Variants in PDS5B observed in about 807,000 individuals in gnomAD.
PDS5B encodes the protein PDS5 cohesin associated factor B.
A neutral mutation model predicts 184.1 loss-of-function variants in PDS5B; 51 were observed. That is an observed-to-expected ratio of 0.28 (90% CI 0.22 to 0.35). PDS5B has a LOEUF of 0.35. Ranked by LOEUF, PDS5B falls within the 10% of genes least tolerant of loss-of-function variation. The probability of loss-of-function intolerance (pLI) is 1.00; values close to 1 mark genes in which losing one functional copy is unlikely to be tolerated. For missense variants in PDS5B, 1,180 were observed against 1,723.3 expected, an observed-to-expected ratio of 0.68 and a Z score of 5.58; for synonymous variants, 566 against 569.2, an observed-to-expected ratio of 0.99 and a Z score of 0.08.
chr13:32,720,137 T>C (rs1478327556), intron 19 of PDS5B, among the ~76,000 whole-genome samples: 1 of 152,238 alleles, frequency 6.6e-6, no homozygotes, highest in African/African-American at 2.4e-5. Flanking sequence ...ATAACAAATA[T>C]AAATCTCATA....
At chr13:32,732,009 A>G in intron 19 of PDS5B, 92 bp from the exon 20 acceptor site, 2 of 1,078,390 alleles carry the variant, frequency 1.9e-6, no homozygotes, top group Non-Finnish European at 2.6e-6. Context: ...GACCTTGTAA[A>G]TCATTACTTA....
At chr13:32,753,780 T>C (rs921172222) in intron 25 of PDS5B, among the ~76,000 whole-genome samples, 3 of 152,190 alleles carry the variant, frequency 2.0e-5, no homozygotes, top group Non-Finnish European at 4.4e-5. Context: ...ACAATGACAT[T>C]GGAGGTACTT....
chr13:32,716,542 C>T (rs1282089305), intron 19 of PDS5B, among the ~76,000 whole-genome samples: 27 of 151,960 alleles, frequency 1.8e-4, no homozygotes, highest in East Asian at 5.8e-4. Flanking sequence ...TGTCTCCACC[C>T]GGCAGCCACC....
At chr13:32,736,593 C>T (rs566766540) in intron 21 of PDS5B, among the ~76,000 whole-genome samples, 1 of 151,972 alleles carries the variant, frequency 6.6e-6, no homozygotes, top group African/African-American at 2.4e-5. Context: ...GTATGCTTTC[C>T]TTTATAGTTA....
At chr13:32,611,480 T>A (rs537973177) in intron 1 of PDS5B, among the ~76,000 whole-genome samples, 2 of 151,424 alleles carry the variant, frequency 1.3e-5, no homozygotes, top group South Asian at 2.1e-4. Context: ...AGACATTTGA[T>A]CATTTTATTA....
At chr13:32,610,764 T>G (rs1266487083) in intron 1 of PDS5B, among the ~76,000 whole-genome samples, 1 of 152,130 alleles carries the variant, frequency 6.6e-6, no homozygotes, top group Non-Finnish European at 1.5e-5. Flanking sequence ...TTTAACCTCT[T>G]TATGCCTCAC....
intron 8 of PDS5B, among the ~76,000 whole-genome samples, chr13:32,673,794 C>G (rs1950997274): frequency 6.6e-6 from 1 of 151,886 alleles, no homozygotes; most frequent in Non-Finnish European, 1.5e-5. Context: ...AGTTTGTTTG[C>G]TTTTTATATA....
chr13:32,620,863 A>C (rs557331043), intron 1 of PDS5B, among the ~76,000 whole-genome samples: 1 of 152,244 alleles, frequency 6.6e-6, no homozygotes, highest in South Asian at 2.1e-4. Flanking sequence ...TCTTCTTTCT[A>C]TCTGGTGATG....
chr13:32,647,595 G>A (rs530868590), intron 1 of PDS5B, among the ~76,000 whole-genome samples: 13 of 151,940 alleles, frequency 8.6e-5, no homozygotes, highest in East Asian at 3.9e-4. Context: ...ATGGTTTTTC[G>A]TATCTGCGAA....
At chr13:32,638,186 G>T (rs1355652500) in intron 1 of PDS5B, among the ~76,000 whole-genome samples, 3 of 152,164 alleles carry the variant, frequency 2.0e-5, no homozygotes, top group Middle Eastern at 3.2e-3. Context: ...AAGAGCAGTA[G>T]GTAAGCTAAC....
chr13:32,737,480 C>T (rs901256295), intron 21 of PDS5B, among the ~76,000 whole-genome samples: 1 of 152,082 alleles, frequency 6.6e-6, no homozygotes, highest in Non-Finnish European at 1.5e-5. Context: ...AATCATTAAT[C>T]GTCTGTGTGA....
intron 1 of PDS5B, among the ~76,000 whole-genome samples, chr13:32,598,474 T>G (rs1358898383): frequency 6.6e-6 from 1 of 152,104 alleles, no homozygotes; most frequent in Non-Finnish European, 1.5e-5. Flanking sequence ...AAATATTCCA[T>G]TTTATTAACT....
chr13:32,680,283 T>C (rs181928099), intron 10 of PDS5B, among the ~76,000 whole-genome samples: 2 of 152,270 alleles, frequency 1.3e-5, no homozygotes, highest in African/African-American at 4.8e-5. Context: ...AGTGGGGGGC[T>C]GAATAAAAAG....
intron 1 of PDS5B, among the ~76,000 whole-genome samples, chr13:32,607,414 C>T (rs1251264770): frequency 6.6e-6 from 1 of 152,238 alleles, no homozygotes; most frequent in Non-Finnish European, 1.5e-5. Context: ...CTGATCCTTC[C>T]TCTGGAAGCT....
At chr13:32,753,598 T>C (rs1474330148) in intron 25 of PDS5B, 62 bp downstream of exon 25, 4 of 1,024,986 alleles carry the variant, frequency 3.9e-6, no homozygotes, top group Non-Finnish European at 5.8e-6. Context: ...TTTTATAGAA[T>C]ATAGCATGAT....
At chr13:32,647,995 A>T (rs757351808) in intron 1 of PDS5B, among the ~76,000 whole-genome samples, 3 of 152,168 alleles carry the variant, frequency 2.0e-5, no homozygotes, top group African/African-American at 7.2e-5. Context: ...CTGTGAGTTC[A>T]TGTTTTGAGA....
intron 10 of PDS5B, among the ~76,000 whole-genome samples, chr13:32,682,282 T>C (rs1352253626): frequency 1.3e-5 from 2 of 152,186 alleles, no homozygotes; most frequent in African/African-American, 4.8e-5. Context: ...AAAGTCCCCC[T>C]GTATCCCCTT....
intron 3 of PDS5B, among the ~76,000 whole-genome samples, chr13:32,656,602 T>TTA (rs1950520396): frequency 6.6e-6 from 1 of 150,596 alleles, no homozygotes; most frequent in Admixed American, 6.6e-5. Flanking sequence ...TGGCTTTTTT[T>TTA]TTTTTTTTTT....
At chr13:32,687,324 T>C (rs1951425985) in intron 12 of PDS5B, 39 bp downstream of exon 12, 3 of 1,417,564 alleles carry the variant, frequency 2.1e-6, no homozygotes, top group Non-Finnish European at 2.9e-6. Flanking sequence ...TGACTTTGAA[T>C]GTTATATAAC....
Sources: gnomAD v4.1 joint callset for allele counts (sites outside exome capture counted in the v4.1 genomes callset) on GRCh38, gnomAD v4.1.1 for gene constraint, MANE v1.5 for transcripts, NCBI Gene and HGNC (gene_info 2026-07-23, HGNC 2026-07-21) for gene names.